The following LRRK1 variants were observed in gnomAD, a reference collection of about 807,000 sequenced individuals.
LRRK1 encodes the protein leucine-rich repeat serine/threonine-protein kinase 1.
LRRK1 carries 113 observed loss-of-function variants against 209.1 expected under a neutral mutation model. The observed-to-expected ratio is 0.54, with a 90% CI of 0.46 to 0.63. The LOEUF is 0.63. Among genes scored for constraint, LRRK1 ranks in the 30% least tolerant of loss-of-function variants. LRRK1 has a pLI of 0.00. For missense variants in LRRK1, 2,284 were observed against 2,632.2 expected (o/e 0.87, Z 2.89); for synonymous variants, 1,144 against 1,099.7 (o/e 1.04, Z -0.80).
intron 2 of LRRK1, among the ~76,000 whole-genome samples, chr15:100,973,165 G>T (rs1413722321): frequency 3.3e-5 from 5 of 152,208 alleles, no homozygotes; most frequent in Non-Finnish European, 5.9e-5. Flanking sequence ...GCTGGGTCGC[G>T]GCCTCCCGCA....
intron 6 of LRRK1, 57 bp downstream of exon 6, chr15:100,989,455 A>C: frequency 6.4e-7 from 1 of 1,553,718 alleles, no homozygotes; most frequent in Non-Finnish European, 8.9e-7. Context: ...GCTGTAACAG[A>C]ATCCTGCAGA....
chr15:100,961,128 T>G (rs1261428364), intron 2 of LRRK1, among the ~76,000 whole-genome samples: 5 of 152,214 alleles, frequency 3.3e-5, no homozygotes, highest in Non-Finnish European at 7.3e-5. Context: ...GGCTTCTTGC[T>G]GGTGGGGACT....
At chr15:101,046,802 G>A (rs1036672939) in intron 21 of LRRK1, among the ~76,000 whole-genome samples, 7 of 152,316 alleles carry the variant, frequency 4.6e-5, no homozygotes, top group East Asian at 1.9e-4. Flanking sequence ...GAGACCCCCC[G>A]CCCAAGGAGT....
chr15:101,039,006 T>C (rs895210630), intron 20 of LRRK1, among the ~76,000 whole-genome samples: 1 of 152,378 alleles, frequency 6.6e-6, no homozygotes. Context: ...ATCACAGTTC[T>C]AGGGTTTAGG....
chr15:100,934,939 A>G (rs1460438339), intron 2 of LRRK1, among the ~76,000 whole-genome samples: 1 of 152,126 alleles, frequency 6.6e-6, no homozygotes, highest in East Asian at 1.9e-4. Flanking sequence ...TTGATGTTGA[A>G]TCTCAGGTCT....
At chr15:101,031,002 G>T (rs569202910) in intron 20 of LRRK1, among the ~76,000 whole-genome samples, 2 of 152,134 alleles carry the variant, frequency 1.3e-5, no homozygotes, top group African/African-American at 4.8e-5. Flanking sequence ...GAGAACATAC[G>T]ATGTTGGGTT....
chr15:100,980,464 C>T (rs923964494), intron 3 of LRRK1, among the ~76,000 whole-genome samples: 2 of 151,982 alleles, frequency 1.3e-5, no homozygotes, highest in African/African-American at 2.4e-5. Flanking sequence ...ATGAGGGAGA[C>T]CTTTTGATGG....
intron 2 of LRRK1, among the ~76,000 whole-genome samples, chr15:100,940,562 A>G (rs1343925639): frequency 2.0e-5 from 3 of 152,214 alleles, no homozygotes. Flanking sequence ...TGTGCTTCAC[A>G]GTGCAACTCT....
intron 3 of LRRK1, chr15:100,974,258 C>A (rs1419409057): frequency 3.1e-6 from 1 of 318,338 alleles, no homozygotes; most frequent in Non-Finnish European, 5.7e-6. Flanking sequence ...TTAACCTACT[C>A]TATTCTTTTA....
At chr15:101,007,581 T>A (rs2033019756) in intron 6 of LRRK1, among the ~76,000 whole-genome samples, 1 of 152,154 alleles carries the variant, frequency 6.6e-6, no homozygotes, top group Non-Finnish European at 1.5e-5. Context: ...AGGACTTGCG[T>A]GTGGCAGAGA....
At chr15:100,966,943 G>A (rs568738177) in intron 2 of LRRK1, among the ~76,000 whole-genome samples, 13 of 152,332 alleles carry the variant, frequency 8.5e-5, no homozygotes, top group African/African-American at 3.1e-4. Flanking sequence ...TGGGCTTAAA[G>A]GTTTAGCTGT....
chr15:101,021,980 C>T (rs201590339), intron 14 of LRRK1, 23 bp downstream of exon 14: 13 of 1,517,498 alleles, frequency 8.6e-6, no homozygotes, highest in Non-Finnish European at 1.2e-5. Context: ...CAGCCCTGTC[C>T]CCTGCCATCA....
At chr15:100,983,448 T>C (rs1303165033) in intron 3 of LRRK1, 80 bp from the exon 4 acceptor site, 8 of 1,348,934 alleles carry the variant, frequency 5.9e-6, no homozygotes, top group Non-Finnish European at 8.1e-6. Context: ...CTCCGGGACC[T>C]GGTGAAGGGT....
intron 6 of LRRK1, among the ~76,000 whole-genome samples, chr15:100,994,367 T>G (rs1449352070): frequency 6.6e-6 from 1 of 152,174 alleles, no homozygotes; most frequent in Non-Finnish European, 1.5e-5. Flanking sequence ...CTTACACTGA[T>G]TAAATCTGAA....
chr15:100,973,714 G>T, intron 2 of LRRK1, 90 bp from the exon 3 acceptor site: 1 of 1,192,116 alleles, frequency 8.4e-7, no homozygotes, highest in Non-Finnish European at 1.1e-6. Flanking sequence ...GCAACGGGCC[G>T]CGCCGCCTCC....
rs2036804552 is a variant in LRRK1 at position 101,071,489 on chromosome 15, A to AAGCAATTCTCCTGCCTC, written c.*2645_*2661dup. ...ACTGCCACCTCCGCCTCCCAGGTTC[A>AAGCAATTCTCCTGCCTC]AGCAATTCTCCTGCCTCAGCCTCCC... On this transcript the variant is annotated 3_prime_UTR_variant, in exon 34 of 34. Coordinates refer to ENST00000388948, the MANE Select transcript of LRRK1 (RefSeq NM_024652.6). 1 of 152,264 alleles carries AAGCAATTCTCCTGCCTC rather than the reference A, an allele frequency of 6.6e-6. No individual in the cohort carries two copies. The highest frequency in any genetic ancestry group is 1.5e-5 in the Non-Finnish European group (1 of 68,122). The allele number at this position is 152,264 out of a possible 1,614,324, so 9.4% of individuals were successfully genotyped here.
At position 100,973,901 on chromosome 15, in the gene LRRK1, A is replaced by G. The variant is rs1443754886; in HGVS notation, c.195A>G (p.Gly65=). 7.9e-7 allele frequency: 1 copy of G among 1,269,540 alleles called. No homozygotes were observed. The highest frequency in any genetic ancestry group is 2.8e-5 in the South Asian group (1 of 35,774). The allele number at this position is 1,269,540 out of a possible 1,614,324, so 78.6% of individuals were successfully genotyped here. Residue 65 remains glycine (G), a synonymous_variant, in exon 3 of 34, where the codon GGA becomes GGG. Transcript: ENST00000388948. ...GCATCCGCGCCGCGTACAGGCGGGG[A>G]GACCGCGGCGGCGCCCGGGACCTGC... is the stretch of plus-strand genomic sequence containing the variant. ...TEGIRAAYRR[G]DRGGARDLLE... is the part of the protein sequence containing the mutation.
intron 2 of LRRK1, among the ~76,000 whole-genome samples, chr15:100,941,312 G>GTCTGTGTC (rs1160663476): frequency 0.073 from 1,382 of 19,024 alleles, 130 homozygotes; most frequent in African/African-American, 0.24. Context: ...ATGTGTGTGT[G>GTCTGTGTC]TCTGTGTGTG....
intron 33 of LRRK1, chr15:101,067,464 T>TGTGTGTGTGC: frequency 3.4e-6 from 1 of 292,186 alleles, no homozygotes; most frequent in Non-Finnish European, 7.1e-6. Context: ...TGTGTGTGTG[T>TGTGTGTGTGC]ACTTTGGAGC....
Sources: allele counts gnomAD v4.1 joint callset (sites outside exome capture counted in the v4.1 genomes callset), GRCh38; gene constraint gnomAD v4.1.1; transcripts MANE v1.5; gene names NCBI Gene and HGNC (gene_info 2026-07-23, HGNC 2026-07-21).